The following TRIM2 variants were observed in gnomAD, a reference collection of about 807,000 sequenced individuals.
TRIM2 encodes the protein tripartite motif containing 2.
A neutral mutation model predicts 75.2 loss-of-function variants in TRIM2; 20 were observed. The observed-to-expected ratio is 0.27, with a 90% CI of 0.19 to 0.39. The LOEUF (loss-of-function observed/expected upper bound fraction) is 0.39, where lower values mean the gene tolerates loss of function less well. Among genes scored for constraint, TRIM2 ranks in the 10% least tolerant of loss-of-function variants. The probability of loss-of-function intolerance (pLI) is 1.00; values close to 1 mark genes in which losing one functional copy is unlikely to be tolerated. For missense variants in TRIM2, 660 were observed against 990.8 expected (o/e 0.67, Z 4.48); for synonymous variants, 373 against 388.3 (o/e 0.96, Z 0.46).
At chr4:153,240,535 T>A (rs187846516) in intron 1 of TRIM2, among the ~76,000 whole-genome samples, 1 of 152,342 alleles carries the variant, frequency 6.6e-6, no homozygotes, top group African/African-American at 2.4e-5. Context: ...GGGTAAATGG[T>A]GTCTTTTCCT....
intron 2 of TRIM2, 150 bp downstream of exon 2, chr4:153,270,669 T>C: frequency 1.5e-6 from 1 of 675,240 alleles, no homozygotes; most frequent in East Asian, 3.1e-5. Context: ...GAATCATGAG[T>C]TGCAAATAAT....
intron 6 of TRIM2, among the ~76,000 whole-genome samples, chr4:153,303,830 T>C (rs978891577): frequency 6.6e-6 from 1 of 152,232 alleles, no homozygotes; most frequent in African/African-American, 2.4e-5. Context: ...TTTATATTTT[T>C]TGGGGTAATT....
At chr4:153,261,349 G>T (rs1753536069) in intron 1 of TRIM2, among the ~76,000 whole-genome samples, 1 of 152,112 alleles carries the variant, frequency 6.6e-6, no homozygotes, top group East Asian at 1.9e-4. Context: ...CTTGAACCTG[G>T]GAGGTGGACG....
intron 1 of TRIM2, among the ~76,000 whole-genome samples, chr4:153,229,190 A>G (rs1742951915): frequency 6.6e-6 from 1 of 152,212 alleles, no homozygotes; most frequent in African/African-American, 2.4e-5. Context: ...GATTTCCTCT[A>G]TAAGCATTTT....
chr4:153,227,831 T>C (rs890062088), intron 1 of TRIM2, among the ~76,000 whole-genome samples: 2 of 152,186 alleles, frequency 1.3e-5, no homozygotes, highest in African/African-American at 2.4e-5. Flanking sequence ...AAGATTATAA[T>C]AGTTTGCCTT....
intron 1 of TRIM2, among the ~76,000 whole-genome samples, chr4:153,244,316 C>CTCT (rs1747925825): frequency 3.8e-5 from 1 of 26,384 alleles, no homozygotes; most frequent in African/African-American, 2.1e-4. Context: ...CCTCCTCCTC[C>CTCT]TCCTCTTCTT....
intron 6 of TRIM2, among the ~76,000 whole-genome samples, chr4:153,314,227 C>G (rs1229038778): frequency 6.6e-6 from 1 of 150,726 alleles, no homozygotes; most frequent in Non-Finnish European, 1.5e-5. Flanking sequence ...GAGACCATCC[C>G]GGCTAAAACG....
chr4:153,299,607 A>G (rs1015386868), intron 6 of TRIM2, among the ~76,000 whole-genome samples: 4 of 152,128 alleles, frequency 2.6e-5, no homozygotes, highest in African/African-American at 9.7e-5. Flanking sequence ...TTTGTCCTCC[A>G]TTTTAAAGTT....
chr4:153,283,625 C>T (rs1037229935), intron 3 of TRIM2, among the ~76,000 whole-genome samples: 18 of 150,192 alleles, frequency 1.2e-4, no homozygotes, highest in African/African-American at 3.2e-4. Context: ...TTTAAGGAAC[C>T]GTCAACTGTT....
At chr4:153,334,526 C>T (rs1772195014) in intron 11 of TRIM2, among the ~76,000 whole-genome samples, 1 of 151,854 alleles carries the variant, frequency 6.6e-6, no homozygotes, top group South Asian at 2.1e-4. Flanking sequence ...CTGCACCTGG[C>T]TTATGCTAAT....
chr4:153,275,245 A>G (rs1352302181), intron 2 of TRIM2, among the ~76,000 whole-genome samples: 1 of 152,222 alleles, frequency 6.6e-6, no homozygotes. Flanking sequence ...TGTGTGAGTC[A>G]TTATTAGTGA....
At chr4:153,316,873 C>CTTTTTTTTTTTTTTTTTTTTTTTTTTTTT (rs11397245) in intron 8 of TRIM2, among the ~76,000 whole-genome samples, 1 of 61,576 alleles carries the variant, frequency 1.6e-5, no homozygotes, top group Non-Finnish European at 2.6e-5. Flanking sequence ...TGCATTATGC[C>CTTTTTTTTTTTTTTTTTTTTTTTTTTTTT]TTTTTTTTTT....
intron 3 of TRIM2, among the ~76,000 whole-genome samples, chr4:153,290,169 A>G (rs1414886740): frequency 6.6e-6 from 1 of 152,246 alleles, no homozygotes; most frequent in Non-Finnish European, 1.5e-5. Flanking sequence ...AAATTTTTCC[A>G]AAGAAATCTC....
At chr4:153,281,246 GA>G (rs1360255791) in intron 3 of TRIM2, among the ~76,000 whole-genome samples, 1 of 152,218 alleles carries the variant, frequency 6.6e-6, no homozygotes, top group Non-Finnish European at 1.5e-5. Flanking sequence ...TTGCTCTTCA[GA>G]AAGTTTACGT....
chr4:153,216,347 A>AT (rs1738466326), intron 1 of TRIM2, among the ~76,000 whole-genome samples: 1 of 152,124 alleles, frequency 6.6e-6, no homozygotes, highest in African/African-American at 2.4e-5. Context: ...TTTCCCAGCT[A>AT]TTTTTTAATA....
chr4:153,321,119 A>C (rs1031338577), intron 8 of TRIM2, among the ~76,000 whole-genome samples: 2 of 152,154 alleles, frequency 1.3e-5, no homozygotes, highest in Non-Finnish European at 2.9e-5. Flanking sequence ...CTTCACATGC[A>C]TTCTGAGATG....
chr4:153,297,713 A>G (rs955906042), intron 6 of TRIM2, among the ~76,000 whole-genome samples: 2 of 152,168 alleles, frequency 1.3e-5, no homozygotes, highest in Non-Finnish European at 2.9e-5. Flanking sequence ...TGAAAGACTC[A>G]GAACTGGAAT....
intron 8 of TRIM2, 56 bp downstream of exon 8, chr4:153,316,055 A>G: frequency 6.8e-7 from 1 of 1,471,502 alleles, no homozygotes; most frequent in Admixed American, 2.5e-5. Context: ...CAGGAAATAC[A>G]AAATGAAATT....
intron 1 of TRIM2, among the ~76,000 whole-genome samples, chr4:153,207,010 C>A (rs991786237): frequency 7.2e-5 from 11 of 152,178 alleles, no homozygotes; most frequent in African/African-American, 2.4e-4. Flanking sequence ...CCGCCTCAGC[C>A]TACCAAAGTG....
Sources: gnomAD v4.1 joint callset for allele counts (sites outside exome capture counted in the v4.1 genomes callset) on GRCh38, gnomAD v4.1.1 for gene constraint, MANE v1.5 for transcripts, NCBI Gene and HGNC (gene_info 2026-07-23, HGNC 2026-07-21) for gene names.